The following EGLN3 variants were observed in gnomAD, a reference collection of about 807,000 sequenced individuals.
EGLN3 encodes egl-9 family hypoxia inducible factor 3, also known as prolyl hydroxylase EGLN3.
A neutral mutation model predicts 26.0 loss-of-function variants in EGLN3; 15 were observed. The observed-to-expected ratio is 0.58, with a 90% CI of 0.39 to 0.89. EGLN3 has a LOEUF of 0.89. Among genes scored for constraint, EGLN3 ranks in the 40% least tolerant of loss-of-function variants. EGLN3 has a pLI of 0.00. For missense variants in EGLN3, 238 were observed against 311.6 expected (o/e 0.76, Z 1.78); for synonymous variants, 147 against 127.2 (o/e 1.16, Z -1.05).
chr14:33,925,333 G>T lies in EGLN3; in HGVS notation c.*558C>A, dbSNP rs547715028. 1 of 152,546 alleles carries T rather than the reference G, an allele frequency of 6.6e-6. No homozygotes were observed. The highest frequency in any genetic ancestry group is 1.9e-4 in the East Asian group (1 of 5,186). The allele number at this position is 152,546 out of a possible 1,614,324, so 9.4% of individuals were successfully genotyped here. A position where few individuals can be genotyped will look rare whatever the true frequency, so the allele number is the denominator to read the frequency against. On this transcript the variant is annotated 3_prime_UTR_variant, in exon 5 of 5. Transcript: ENST00000250457. Reference sequence around the variant, plus strand: ...CTGCCCCATGGGACACTTATAAATTGTTCACTATGACAGCAGCCCTTTCTA... The same window carrying T: ...CTGCCCCATGGGACACTTATAAATTTTTCACTATGACAGCAGCCCTTTCTA...
chr14:33,938,618 A>C (rs941833738), intron 1 of EGLN3, among the ~76,000 whole-genome samples: 1 of 152,226 alleles, frequency 6.6e-6, no homozygotes, highest in Non-Finnish European at 1.5e-5. Context: ...AAATGTTTTC[A>C]ACCGGGCTTC....
intron 3 of EGLN3, 67 bp from the exon 4 acceptor site, chr14:33,927,100 A>C: frequency 8.9e-7 from 1 of 1,118,702 alleles, no homozygotes; most frequent in South Asian, 2.3e-5. Flanking sequence ...AATGTCCTAT[A>C]AATCTCACAT....
In EGLN3 at chr14:33,936,114, C is replaced by T. The variant is rs1366621036; in HGVS notation, c.358-4899G>A. 2.6e-5 allele frequency among the ~76,000 whole-genome samples: 4 copies of T among 152,154 alleles called. No individual in the cohort carries two copies. In the East Asian group the frequency reaches 5.8e-4, roughly 22 times the overall value. On this transcript the variant is annotated intron_variant, in intron 1 of 4. Transcript: ENST00000250457. ...GGCATGGTGGCGCACGCCTGTAATCCCAGCTACTCAGGAGGCTGAGGAGGA... is the reference window on the plus strand; with the variant it reads ...GGCATGGTGGCGCACGCCTGTAATCTCAGCTACTCAGGAGGCTGAGGAGGA...
At chr14:33,939,372 G>A (rs1460834340) in intron 1 of EGLN3, among the ~76,000 whole-genome samples, 1 of 152,024 alleles carries the variant, frequency 6.6e-6, no homozygotes, top group Non-Finnish European at 1.5e-5. Flanking sequence ...CACCACGCCC[G>A]GCTAATTTTT....
chr14:33,946,323 C>A (rs548232263), intron 1 of EGLN3, among the ~76,000 whole-genome samples: 2 of 152,252 alleles, frequency 1.3e-5, no homozygotes, highest in South Asian at 4.2e-4. Context: ...TTGTGGTGGG[C>A]CAAGATTGCG....
intron 1 of EGLN3, among the ~76,000 whole-genome samples, chr14:33,931,715 A>G (rs540196508): frequency 1.3e-5 from 2 of 152,236 alleles, no homozygotes; most frequent in African/African-American, 2.4e-5. Flanking sequence ...CAAAGGAGGA[A>G]AAGGTCAGGC....
chr14:33,939,969 A>T (rs2064471287), intron 1 of EGLN3, among the ~76,000 whole-genome samples: 3 of 152,194 alleles, frequency 2.0e-5, no homozygotes, highest in African/African-American at 7.2e-5. Context: ...CACCTACCTC[A>T]TCCTTGCCTA....
At chr14:33,934,710 C>A (rs1233310437) in intron 1 of EGLN3, among the ~76,000 whole-genome samples, 1 of 152,218 alleles carries the variant, frequency 6.6e-6, no homozygotes, top group Non-Finnish European at 1.5e-5. Flanking sequence ...TACCACTTCT[C>A]TGCTAACAGT....
At chr14:33,937,227 A>G (rs1307012959) in intron 1 of EGLN3, among the ~76,000 whole-genome samples, 1 of 152,252 alleles carries the variant, frequency 6.6e-6, no homozygotes, top group African/African-American at 2.4e-5. Flanking sequence ...AAGCAGTGCT[A>G]ACTTGTAAGT....
At position 33,950,799 on chromosome 14, in the gene EGLN3, AGGGAAC is replaced by A; in HGVS notation, c.-53_-48del. ...CGGGATCCCCAGCGTGCAACCAGAGAGGGAACGATCTACACGAGCGCGAAGCCGAGG... is the reference window on the plus strand; with the variant it reads ...CGGGATCCCCAGCGTGCAACCAGAGAGATCTACACGAGCGCGAAGCCGAGG... On this transcript the variant is annotated 5_prime_UTR_variant, in exon 1 of 5. Coordinates refer to ENST00000250457, the MANE Select transcript of EGLN3 (RefSeq NM_022073.4). 4 of 1,328,560 alleles carry A rather than the reference AGGGAAC, an allele frequency of 3.0e-6. No homozygotes were observed. Among genetic ancestry groups the A allele is most frequent in the South Asian group, 2.4e-5 (1 of 42,512 alleles). 82.3% of individuals were successfully genotyped at this position (1,328,560 alleles called of 1,614,324 possible). A position where few individuals can be genotyped will look rare whatever the true frequency, so the allele number is the denominator to read the frequency against.
At chr14:33,928,294 TG>T (rs1275435181) in intron 3 of EGLN3, among the ~76,000 whole-genome samples, 11 of 152,190 alleles carry the variant, frequency 7.2e-5, no homozygotes, top group Middle Eastern at 3.2e-3. Context: ...TAATTAGGCT[TG>T]TTAGGGTTTA....
intron 1 of EGLN3, among the ~76,000 whole-genome samples, chr14:33,943,805 G>A (rs528492984): frequency 6.6e-6 from 1 of 152,160 alleles, no homozygotes; most frequent in South Asian, 2.1e-4. Context: ...TCTTGGGATA[G>A]GGTCATAAAA....
At chr14:33,930,775 G>A (rs953336250) in intron 2 of EGLN3, among the ~76,000 whole-genome samples, 3 of 152,124 alleles carry the variant, frequency 2.0e-5, no homozygotes, top group Admixed American at 2.0e-4. Flanking sequence ...TCTGCATTGA[G>A]TCAGAACAAC....
chr14:33,936,658 G>C (rs1376056180), intron 1 of EGLN3, among the ~76,000 whole-genome samples: 2 of 151,874 alleles, frequency 1.3e-5, no homozygotes, highest in African/African-American at 4.8e-5. Flanking sequence ...CACTATATGT[G>C]CTAGCAGCAG....
rs934170921 is a variant in EGLN3 at position 33,939,311 on chromosome 14, G to C, written c.358-8096C>G. 3.9e-5 allele frequency among the ~76,000 whole-genome samples: 6 copies of C among 151,928 alleles called. No homozygotes were observed. In the South Asian group the frequency reaches 8.3e-4, roughly 21 times the overall value. ...CTGCAAGCTCTGCCTCCCGGGTTCA[G>C]GCCATTCTCCTGCCTCAGCCTCCCG... On this transcript the variant is annotated intron_variant, in intron 1 of 4. Transcript: ENST00000250457.
Position 33,950,536 on chromosome 14 carries a change from G to A in EGLN3, c.217C>T (p.Leu73=). The A allele has an allele frequency of 6.2e-7, 1 of 1,613,414 alleles. No homozygotes were observed. The highest frequency in any genetic ancestry group is 8.5e-7 in the Non-Finnish European group (1 of 1,179,888). Residue 73 remains leucine (L), a synonymous_variant, in exon 1 of 5, where the codon CTG becomes TTG. Transcript: ENST00000250457. ...GPRAGVSKRH[L]RGDQITWIGG... is the part of the protein sequence containing the mutation. ...ATCCACGTGATCTGGTCGCCCCGCA[G>A]GTGTCGCTTGGAGACGCCGGCGCGC... is the stretch of plus-strand genomic sequence containing the variant.
chr14:33,946,274 G>A (rs113733056), intron 1 of EGLN3, among the ~76,000 whole-genome samples: 4,781 of 152,238 alleles, frequency 0.031, 272 homozygotes, highest in African/African-American at 0.11. Context: ...TACTCAGGAG[G>A]CTGAGGCAGG....
At chr14:33,938,183 G>C (rs1034534892) in intron 1 of EGLN3, among the ~76,000 whole-genome samples, 10 of 152,202 alleles carry the variant, frequency 6.6e-5, no homozygotes, top group African/African-American at 2.4e-4. Context: ...GTTGAACTGT[G>C]CGGGATCAAG....
intron 1 of EGLN3, among the ~76,000 whole-genome samples, chr14:33,933,958 A>G (rs1442766570): frequency 6.6e-6 from 1 of 152,240 alleles, no homozygotes; most frequent in Non-Finnish European, 1.5e-5. Context: ...ATAAACTGAC[A>G]CATATCAAGA....
Sources: gnomAD v4.1 joint callset for allele counts (sites outside exome capture counted in the v4.1 genomes callset) on GRCh38, gnomAD v4.1.1 for gene constraint, MANE v1.5 for transcripts, NCBI Gene and HGNC (gene_info 2026-07-23, HGNC 2026-07-21) for gene names.